EPHA1: variants seen among roughly 807,000 people sequenced by gnomAD.
EPHA1 encodes ephrin type-A receptor 1.
Under a neutral mutation model 110.1 loss-of-function variants are expected in EPHA1, and 92 were observed. The observed-to-expected ratio is 0.84, with a 90% confidence interval of 0.71 to 0.99. The LOEUF is 0.99. Ranked by LOEUF, EPHA1 falls within the 50% of genes least tolerant of loss-of-function variation. The pLI is 0.00. For synonymous variants in EPHA1, 500 were observed against 516.1 expected (o/e 0.97, Z 0.42); for missense variants, 1,204 against 1,285.4 (o/e 0.94, Z 0.97).
At position 143,397,519 on chromosome 7, in the gene EPHA1, T is replaced by C. The variant is rs370950145; in HGVS notation, c.1712+42A>G. 20 of 1,605,702 alleles carry C rather than the reference T, an allele frequency of 1.2e-5. No homozygotes were observed. The African/African-American group carries it at 2.6e-4, about 20-fold the overall frequency. On this transcript the variant is annotated intron_variant, in intron 9 of 17. Coordinates refer to ENST00000275815, the MANE Select transcript of EPHA1 (RefSeq NM_005232.5). ...CGTTGGGGCTGCAGTCAGGGGCTTC[T>C]GACCCAGGGCTGGTGGTTGGGGAGG...
At chr7:143,392,719 G>A (rs774260261) in intron 16 of EPHA1, among the ~76,000 whole-genome samples, 2 of 152,126 alleles carry the variant, frequency 1.3e-5, no homozygotes, top group South Asian at 2.1e-4. Flanking sequence ...CGAGGTGGGC[G>A]GATCATGAGG....
rs140700329 is a variant in EPHA1 at position 143,395,354 on chromosome 7, G to A, written c.2048C>T (p.Pro683Leu). 88 of 1,614,064 alleles carry A rather than the reference G, an allele frequency of 5.5e-5. No individual in the cohort carries two copies. Among genetic ancestry groups the A allele is most frequent in the Admixed American group, 1.0e-4 (6 of 60,000 alleles). ...GACGCCTTCCAGATGCAGAATATGCGGGTGGCTAAACTGGCCCATGATAGT... is the reference window on the plus strand; with the variant it reads ...GACGCCTTCCAGATGCAGAATATGCAGGTGGCTAAACTGGCCCATGATAGT... ...EATIMGQFSH[P>L]HILHLEGVVT... The change falls in exon 12 of 18, where the codon CCG becomes CTG. Residue 683 changes from proline (P) to leucine (L), a missense_variant. By Grantham distance (98) the Pro-to-Leu change is moderately conservative (BLOSUM62 -3). Transcript: ENST00000275815. The surrounding 1 kb of genome is among the most constrained non-coding windows in gnomAD (Gnocchi z 4.7).
intron 2 of EPHA1, among the ~76,000 whole-genome samples, chr7:143,406,996 C>T (rs968680720): frequency 4.6e-5 from 7 of 152,144 alleles, no homozygotes; most frequent in African/African-American, 1.2e-4. Flanking sequence ...ATGGTGTGCA[C>T]GCAGTCAGCC....
intron 2 of EPHA1, among the ~76,000 whole-genome samples, chr7:143,403,443 T>C (rs1805473817): frequency 6.6e-6 from 1 of 152,056 alleles, no homozygotes; most frequent in Admixed American, 6.6e-5. Context: ...AAGCAATCCA[T>C]AAGTAATACT....
chr7:143,395,387 C>A lies in EPHA1; in HGVS notation c.2015G>T (p.Arg672Leu). Residue 672 changes from arginine (R) to leucine (L), a missense_variant, in exon 12 of 18, where the codon CGA becomes CTA. Coordinates refer to ENST00000275815, the MANE Select transcript of EPHA1 (RefSeq NM_005232.5). This position sits in a 1 kb window ranked among gnomAD's most constrained non-coding sequence, Gnocchi z 4.7. ...SPGGQWWNFL[R>L]EATIMGQFSH... ...AAACTGGCCCATGATAGTTGCCTCT[C>A]GAAGGAAGTTCCACCACTGGCCACC... 1 of 1,614,202 alleles carries A rather than the reference C, an allele frequency of 6.2e-7. No individual in the cohort carries two copies. The highest frequency in any genetic ancestry group is 8.5e-7 in the Non-Finnish European group (1 of 1,180,050).
intron 16 of EPHA1, among the ~76,000 whole-genome samples, chr7:143,392,970 A>G (rs971575011): frequency 2.0e-5 from 3 of 152,050 alleles, no homozygotes; most frequent in South Asian, 2.1e-4. Context: ...ACAACTCTGC[A>G]CTCATGGTAA....
chr7:143,396,180 C>T (rs1208145611), intron 11 of EPHA1, among the ~76,000 whole-genome samples: 1 of 152,194 alleles, frequency 6.6e-6, no homozygotes, highest in Non-Finnish European at 1.5e-5. Flanking sequence ...AGGGGTTGCT[C>T]CAGGGCACCT....
rs1805066392 is a variant in EPHA1 at position 143,391,219 on chromosome 7, A to G, written c.*238T>C. 2.0e-5 allele frequency: 11 copies of G among 557,612 alleles called. No homozygotes were observed. The South Asian group carries it at 2.3e-4, about 12-fold the overall frequency. 34.5% of individuals were successfully genotyped at this position (557,612 alleles called of 1,614,324 possible). On this transcript the variant is annotated 3_prime_UTR_variant, in exon 18 of 18. Coordinates refer to ENST00000275815, the MANE Select transcript of EPHA1 (RefSeq NM_005232.5). ...AAAATATATATATGTGTATGTATGT[A>G]TATATATTAACCCCTCAGCTCCCTC...
In EPHA1 at chr7:143,391,687, G is replaced by A. The variant is rs781780617; in HGVS notation, c.2785C>T (p.Arg929Cys). ...GCCGAGTGGAAGTGCAGGATGTAGC[G>A]TTTCATGCGTATGGACTCGAGCCAC... ...SEWLESIRMKRYILHFHSAGL... is the reference protein window; with the variant it reads ...SEWLESIRMKCYILHFHSAGL... Residue 929 changes from arginine (R) to cysteine (C), a missense_variant, in exon 17 of 18, where the codon CGC (arginine) becomes TGC (cysteine). Coordinates refer to ENST00000275815, the MANE Select transcript of EPHA1 (RefSeq NM_005232.5). 1.6e-5 allele frequency: 26 copies of A among 1,613,796 alleles called. No individual in the cohort carries two copies. The highest frequency in any genetic ancestry group is 3.3e-4 in the Middle Eastern group (2 of 6,084).
In EPHA1 at chr7:143,400,001, C is replaced by T; in HGVS notation, c.485G>A (p.Gly162Asp). 1 of 1,613,744 alleles carries T rather than the reference C, an allele frequency of 6.2e-7. No individual in the cohort carries two copies. The highest frequency in any genetic ancestry group is 8.5e-7 in the Non-Finnish European group (1 of 1,179,848). The change falls in exon 4 of 18, where the codon GGC becomes GAC. Residue 162 changes from glycine (G) to aspartate (D), a missense_variant. Gly to Asp is a moderately conservative substitution (Grantham distance 94, BLOSUM62 -1). Coordinates refer to ENST00000275815, the MANE Select transcript of EPHA1 (RefSeq NM_005232.5). Reference sequence around the variant, plus strand: ...GCGCTCCACATTCAGCTTCACGGAGCCAGACACAAGGTCTCGAATGGTGAA... The same window carrying T: ...GCGCTCCACATTCAGCTTCACGGAGTCAGACACAAGGTCTCGAATGGTGAA... ...QSFTIRDLVS[G>D]SVKLNVERCS...
In EPHA1 at chr7:143,399,941, T is replaced by C. The variant is rs752203488; in HGVS notation, c.545A>G (p.Tyr182Cys). The change falls in exon 4 of 18, where the codon TAC becomes TGC. Residue 182 changes from tyrosine to cysteine, a missense_variant. By Grantham distance (194) the Tyr-to-Cys change is radical. Transcript: ENST00000275815. The stretch of plus-strand genomic sequence containing the variant: ...GGCACCCGGGTTGTGGAAAGCGAGG[T>C]AGAGGCCACGGCGGGTCAGGCGGCC... ...SLGRLTRRGL[Y>C]LAFHNPGACV... 2 of 1,613,788 alleles carry C rather than the reference T, an allele frequency of 1.2e-6. No individual in the cohort carries two copies. Among genetic ancestry groups the C allele is most frequent in the East Asian group, 4.5e-5 (2 of 44,870 alleles).
intron 14 of EPHA1, among the ~76,000 whole-genome samples, chr7:143,394,558 C>T (rs1348999044): frequency 6.6e-6 from 1 of 152,062 alleles, no homozygotes; most frequent in African/African-American, 2.4e-5. Flanking sequence ...GTAGCTGGGA[C>T]TACAGGCGCC....
chr7:143,403,976 T>C (rs1399584770), intron 2 of EPHA1, among the ~76,000 whole-genome samples: 2 of 152,236 alleles, frequency 1.3e-5, no homozygotes, highest in Non-Finnish European at 2.9e-5. Flanking sequence ...TTTCTCCCTG[T>C]CTGCCATACC....
intron 9 of EPHA1, 24 bp from the exon 10 acceptor site, chr7:143,397,386 C>G (rs1176651093): frequency 1.7e-5 from 26 of 1,549,388 alleles, no homozygotes; most frequent in Middle Eastern, 2.0e-4. Context: ...GGACCAGCTC[C>G]TTCAGGGCCC....
intron 1 of EPHA1, 189 bp from the exon 2 acceptor site, chr7:143,407,867 C>T: frequency 2.2e-6 from 1 of 453,954 alleles, no homozygotes; most frequent in Non-Finnish European, 3.9e-6. Context: ...TTTCACTCTT[C>T]TTTGTGTGTG....
rs780668174 is a variant in EPHA1, at chr7:143,397,615, A to G, written c.1658T>C (p.Phe553Ser). The G allele has an allele frequency of 6.2e-7, 1 of 1,614,064 alleles. No homozygotes were observed. Among genetic ancestry groups the G allele is most frequent in the Non-Finnish European group, 8.5e-7 (1 of 1,180,028 alleles). ...LTGGEIVAVI[F>S]GLLLGAALLL... ...CAAGGCTGCACCAAGCAGCAGCCCA[A>G]AGATGACGGCTACAATCTCTCCTCC... The change falls in exon 9 of 18, where the codon TTT becomes TCT. Residue 553 changes from phenylalanine (F) to serine (S), a missense_variant. Coordinates refer to ENST00000275815, the MANE Select transcript of EPHA1 (RefSeq NM_005232.5).
At chr7:143,400,784 A>C (rs1297891218) in intron 3 of EPHA1, 2 of 157,784 alleles carry the variant, frequency 1.3e-5, no homozygotes, top group African/African-American at 4.8e-5. Flanking sequence ...TATTGTTGTC[A>C]CTATTTTATG....
In EPHA1 at chr7:143,401,328, T is replaced by C; in HGVS notation, c.428A>G (p.Gln143Arg). 1 of 1,613,452 alleles carries C rather than the reference T, an allele frequency of 6.2e-7. No individual in the cohort carries two copies. The highest frequency in any genetic ancestry group is 8.5e-7 in the Non-Finnish European group (1 of 1,179,786). The change falls in exon 3 of 18, where the codon CAG becomes CGG. Residue 143 changes from glutamine (Q) to arginine (R), a missense_variant. Coordinates refer to ENST00000275815, the MANE Select transcript of EPHA1 (RefSeq NM_005232.5). This position sits in a 1 kb window ranked among gnomAD's most constrained non-coding sequence, Gnocchi z 4.1. ...TGGCATGGAGGGAAGCAGCACCTTC[T>C]GGAACAAGGGCCGTCGGAGCTGAAT... ...VGIQLRRPLFQKVTTVAADQS... is the reference protein window; with the variant it reads ...VGIQLRRPLFRKVTTVAADQS...
chr7:143,398,079 T>G lies in EPHA1; in HGVS notation c.1465-9A>C. The G allele has an allele frequency of 1.2e-6, 2 of 1,613,734 alleles. No homozygotes were observed. Among genetic ancestry groups the G allele is most frequent in the Non-Finnish European group, 1.7e-6 (2 of 1,179,710 alleles). On this transcript the variant is annotated splice_polypyrimidine_tract_variant and intron_variant, in intron 7 of 17. Coordinates refer to ENST00000275815, the MANE Select transcript of EPHA1 (RefSeq NM_005232.5). ...TGGTACCGTTCTTCATCCTGTGGGT[T>G]GGAGTTGCATTAAGTGGGCAGTGCT... is the stretch of plus-strand genomic sequence containing the variant.
Sources: gnomAD v4.1 joint callset for allele counts (sites outside exome capture counted in the v4.1 genomes callset) on GRCh38, gnomAD v4.1.1 for gene constraint, Gnocchi (gnomAD v3.1) non-coding constraint, MANE v1.5 for transcripts, NCBI Gene and HGNC (gene_info 2026-07-23, HGNC 2026-07-21) for gene names.